TESK2: variants seen among roughly 807,000 people sequenced by gnomAD.
TESK2 encodes the protein testis associated actin remodelling kinase 2, also known as dual specificity testis-specific protein kinase 2.
Under a neutral mutation model 57.1 loss-of-function variants are expected in TESK2, and 39 were observed. That is an observed-to-expected ratio of 0.68 (90% confidence interval 0.53 to 0.89). The LOEUF (loss-of-function observed/expected upper bound fraction) is 0.89. TESK2 is among the 40% of genes least tolerant of loss of function. The pLI, the probability that TESK2 is intolerant of heterozygous loss-of-function variation, is 0.00. For synonymous variants in TESK2, 249 were observed against 267.9 expected (o/e 0.93, Z 0.69); for missense variants, 646 against 732.1 (o/e 0.88, Z 1.36).
intron 5 of TESK2, among the ~76,000 whole-genome samples, chr1:45,351,550 G>T (rs1378220643): frequency 6.6e-6 from 1 of 152,180 alleles, no homozygotes; most frequent in East Asian, 1.9e-4. Flanking sequence ...TTTGGAAAAA[G>T]GCATCTTCTT....
chr1:45,480,042 G>A (rs535239469), intron 1 of TESK2, among the ~76,000 whole-genome samples: 144 of 147,696 alleles, frequency 9.7e-4, no homozygotes, highest in Middle Eastern at 3.4e-3. Flanking sequence ...AGCTGGTCTC[G>A]AACTCCTGAC....
chr1:45,394,439 C>G (rs748872122), intron 3 of TESK2, among the ~76,000 whole-genome samples: 2 of 150,884 alleles, frequency 1.3e-5, no homozygotes, highest in African/African-American at 4.9e-5. Context: ...TAAGCCACCA[C>G]ACTAGGCCAA....
chr1:45,480,320 T>G (rs892706034), intron 1 of TESK2, among the ~76,000 whole-genome samples: 8 of 151,568 alleles, frequency 5.3e-5, no homozygotes, highest in Non-Finnish European at 1.2e-4. Flanking sequence ...TAGCTGGGCG[T>G]GGTGGCACAC....
At chr1:45,412,973 C>A (rs2149284097) in intron 3 of TESK2, among the ~76,000 whole-genome samples, 1 of 152,144 alleles carries the variant, frequency 6.6e-6, no homozygotes, top group South Asian at 2.1e-4. Context: ...TGAGCCTGGG[C>A]AACAGAGTGA....
At chr1:45,443,527 G>A (rs750076351) in intron 2 of TESK2, among the ~76,000 whole-genome samples, 4 of 120,640 alleles carry the variant, frequency 3.3e-5, no homozygotes, top group Non-Finnish European at 6.3e-5. Flanking sequence ...TTAAGATCAC[G>A]CCACTGTACT....
chr1:45,383,709 A>C (rs1033654742), intron 4 of TESK2, among the ~76,000 whole-genome samples: 2 of 152,182 alleles, frequency 1.3e-5, no homozygotes, highest in Admixed American at 6.6e-5. Context: ...ACAATCACAC[A>C]TGCAGGGAAT....
intron 2 of TESK2, among the ~76,000 whole-genome samples, chr1:45,425,146 T>C (rs1280498693): frequency 1.3e-5 from 2 of 152,176 alleles, no homozygotes; most frequent in African/African-American, 4.8e-5. Context: ...GATTATGATC[T>C]TGTATTTGGA....
rs199827698 is a variant in TESK2, at chr1:45,345,135, C to A, written c.1421G>T (p.Arg474Leu). 3.7e-6 allele frequency: 6 copies of A among 1,614,040 alleles called. No individual in the cohort carries two copies. The East Asian group carries it at 1.1e-4, about 30-fold the overall frequency. The change falls in exon 11 of 11, where the codon CGG (arginine) becomes CTG (leucine). Residue 474 changes from arginine (R) to leucine (L), a missense_variant. By Grantham distance (102) the Arg-to-Leu change is moderately radical (BLOSUM62 -2). Coordinates refer to ENST00000372086, the MANE Select transcript of TESK2 (RefSeq NM_007170.3). ...LHQEACPFVG[R>L]EESLSDGPPP... is the part of the protein sequence containing the mutation. ...GGGCCCATCAGATAGCGATTCTTCC[C>A]GGCCCACAAATGGACAAGCCTCTTG...
intron 3 of TESK2, among the ~76,000 whole-genome samples, chr1:45,389,429 G>T (rs1295969083): frequency 6.6e-6 from 1 of 152,070 alleles, no homozygotes; most frequent in Non-Finnish European, 1.5e-5. Flanking sequence ...AAATACACAG[G>T]AAGAGAGACC....
chr1:45,480,126 G>T (rs568891524), intron 1 of TESK2, among the ~76,000 whole-genome samples: 1 of 151,008 alleles, frequency 6.6e-6, no homozygotes, highest in African/African-American at 2.4e-5. Context: ...GCCCAGTCAG[G>T]CTCTTCTATC....
In TESK2 at chr1:45,355,886, T is replaced by A. The variant is rs184036541; in HGVS notation, c.394-437A>T. On this transcript the variant is annotated intron_variant, in intron 4 of 10. Transcript: ENST00000372086. ...GTGCATGATGCATTCAGGAACTTAATTTACTTCGATATGGCCAGAGTGCAT... is the reference window on the plus strand; with the variant it reads ...GTGCATGATGCATTCAGGAACTTAAATTACTTCGATATGGCCAGAGTGCAT... Among the ~76,000 whole-genome samples, 9 of 152,214 alleles carry A rather than the reference T, an allele frequency of 5.9e-5. No homozygotes were observed. In the East Asian group the frequency reaches 1.7e-3, roughly 29 times the overall value.
intron 4 of TESK2, among the ~76,000 whole-genome samples, chr1:45,382,282 A>G (rs967663298): frequency 6.6e-6 from 1 of 152,106 alleles, no homozygotes; most frequent in African/African-American, 2.4e-5. Context: ...TCTGTCACCA[A>G]GGCTGGAATA....
intron 1 of TESK2, among the ~76,000 whole-genome samples, chr1:45,474,384 T>C (rs544761317): frequency 6.7e-4 from 102 of 152,260 alleles, no homozygotes; most frequent in African/African-American, 2.3e-3. Context: ...CCCAGCACTT[T>C]GGGAGGCCAA....
intron 10 of TESK2, 32 bp downstream of exon 10, chr1:45,345,839 CTTAGGG>C: frequency 6.4e-7 from 1 of 1,556,874 alleles, no homozygotes; most frequent in East Asian, 2.2e-5. Flanking sequence ...AATTTCCTCC[CTTAGGG>C]TTAGGTTGGG....
chr1:45,376,811 C>T (rs950320016), intron 4 of TESK2, among the ~76,000 whole-genome samples: 2 of 151,974 alleles, frequency 1.3e-5, no homozygotes, highest in Non-Finnish European at 1.5e-5. Flanking sequence ...GGGAGGGATT[C>T]GTATTATCAA....
Position 45,369,932 on chromosome 1 carries a change from C to T in TESK2, c.394-14483G>A, listed in dbSNP as rs554005116. Among the ~76,000 whole-genome samples the T allele has an allele frequency of 2.0e-5, 3 of 152,192 alleles. No individual in the cohort carries two copies. In the South Asian group the frequency reaches 6.2e-4, roughly 32 times the overall value. On this transcript the variant is annotated intron_variant, in intron 4 of 10. Coordinates refer to ENST00000372086, the MANE Select transcript of TESK2 (RefSeq NM_007170.3). Reference sequence around the variant, plus strand: ...TTCACCATGTTGGCCAGGCTGGTCTCGAACTCCTGACCTCATGATCCACCC... The same window carrying T: ...TTCACCATGTTGGCCAGGCTGGTCTTGAACTCCTGACCTCATGATCCACCC...
At chr1:45,417,081 CAG>C (rs1650274517) in intron 3 of TESK2, among the ~76,000 whole-genome samples, 1 of 152,192 alleles carries the variant, frequency 6.6e-6, no homozygotes, top group Non-Finnish European at 1.5e-5. Flanking sequence ...CCACTGCACC[CAG>C]CCTCTTCTCT....
intron 4 of TESK2, among the ~76,000 whole-genome samples, chr1:45,378,043 A>G: frequency 6.6e-6 from 1 of 151,922 alleles, no homozygotes; most frequent in East Asian, 2.0e-4. Context: ...AAAGAAATGA[A>G]ATGATAAGGT....
Position 45,457,628 on chromosome 1 carries a change from A to G in TESK2, c.158T>C (p.Leu53Pro). Residue 53 changes from leucine (L) to proline (P), a missense_variant, in exon 2 of 11, where the codon CTG becomes CCG. By Grantham distance (98) the Leu-to-Pro change is moderately conservative. Transcript: ENST00000372086. Reference sequence around the variant, plus strand: ...ACAGGTGAAATCATCCAAACGCGTCAGTCTGGAAAAGGCACTTATAAGAGC... The same window carrying G: ...ACAGGTGAAATCATCCAAACGCGTCGGTCTGGAAAAGGCACTTATAAGAGC... ...YRALISAFSR[L>P]TRLDDFTCEK... is the part of the protein sequence containing the mutation. The G allele has an allele frequency of 6.2e-7, 1 of 1,614,116 alleles. No individual in the cohort carries two copies. Among genetic ancestry groups the G allele is most frequent in the Non-Finnish European group, 8.5e-7 (1 of 1,180,010 alleles).
Sources: allele counts gnomAD v4.1 joint callset (sites outside exome capture counted in the v4.1 genomes callset), GRCh38; gene constraint gnomAD v4.1.1; transcripts MANE v1.5; gene names NCBI Gene and HGNC (gene_info 2026-07-23, HGNC 2026-07-21).